Variants in PREP observed in about 807,000 individuals in gnomAD.
The protein encoded by PREP is prolyl endopeptidase.
PREP carries 29 observed loss-of-function variants against 87.6 expected under a neutral mutation model. That is an observed-to-expected ratio of 0.33 (90% CI 0.25 to 0.45). PREP has a LOEUF of 0.45. PREP is among the 20% of genes least tolerant of loss of function. The probability of loss-of-function intolerance (pLI) is 1.00; values close to 1 mark genes in which losing one functional copy is unlikely to be tolerated. For missense variants in PREP, 695 were observed against 886.5 expected (o/e 0.78, Z 2.74); for synonymous variants, 337 against 328.6 (o/e 1.03, Z -0.28).
At chr6:105,354,028 T>C (rs1438100481) in intron 6 of PREP, among the ~76,000 whole-genome samples, 1 of 152,202 alleles carries the variant, frequency 6.6e-6, no homozygotes, top group Non-Finnish European at 1.5e-5. Context: ...TGTTTTGAGT[T>C]GACAAAAAAT....
chr6:105,280,134 A>G (rs1465254611), intron 14 of PREP, among the ~76,000 whole-genome samples: 1 of 152,196 alleles, frequency 6.6e-6, no homozygotes, highest in Admixed American at 6.5e-5. Context: ...ATGAAAGAGC[A>G]AACTTTAGAA....
intron 5 of PREP, among the ~76,000 whole-genome samples, chr6:105,371,500 C>CAAAAAAAAAAAAAAAAAAAAAAAAAAA (rs528772896): frequency 8.9e-5 from 4 of 44,796 alleles, no homozygotes; most frequent in Admixed American, 3.4e-4. Context: ...GATTCCATCT[C>CAAAAAAAAAAAAAAAAAAAAAAAAAAA]AAAAAAAAAA....
rs529312341 is a variant in PREP, at chr6:105,333,349, T to C, written c.980A>G (p.Lys327Arg). 1 of 1,614,154 alleles carries C rather than the reference T, an allele frequency of 6.2e-7. No individual in the cohort carries two copies. The highest frequency in any genetic ancestry group is 1.3e-5 in the African/African-American group (1 of 75,054). Residue 327 changes from lysine (K) to arginine (R), a missense_variant, in exon 8 of 15, where the codon AAA (lysine) becomes AGA (arginine). This residue lies in a region of PREP where 517 missense variants were observed against 620.3 expected (regional missense o/e 0.83). Coordinates refer to ENST00000652536, the MANE Select transcript of PREP (RefSeq NM_002726.5). ...DFRDPEESKW[K>R]VLVPEHEKDV... ...TTTCTCATGCTCAGGAACAAGTACT[T>C]TCCACTTAGACTCTTCAGGATCCCT...
chr6:105,342,726 C>T lies in PREP; in HGVS notation c.824-9221G>A, dbSNP rs560428620. Reference sequence around the variant, plus strand: ...CAGTGTGCAAAAATCACAAGCATTCCTATACACCAATAACAGACAGAGAGC... The same window carrying T: ...CAGTGTGCAAAAATCACAAGCATTCTTATACACCAATAACAGACAGAGAGC... On this transcript the variant is annotated intron_variant, in intron 7 of 14. Coordinates refer to ENST00000652536, the MANE Select transcript of PREP (RefSeq NM_002726.5). Among the ~76,000 whole-genome samples the T allele has an allele frequency of 2.0e-5, 3 of 152,134 alleles. No individual in the cohort carries two copies. In the East Asian group the frequency reaches 5.8e-4, roughly 29 times the overall value.
At chr6:105,291,315 G>A (rs76934047) in intron 10 of PREP, among the ~76,000 whole-genome samples, 1,893 of 152,172 alleles carry the variant, frequency 0.012, 36 homozygotes, top group African/African-American at 0.044. Flanking sequence ...CTTTCATGAA[G>A]GATTTCTCTG....
chr6:105,323,820 A>AG (rs774679865), intron 9 of PREP, 52 bp from the exon 10 acceptor site: 1 of 1,446,046 alleles, frequency 6.9e-7, no homozygotes, highest in South Asian at 1.1e-5. Flanking sequence ...CTAGATTCAA[A>AG]GGGGGCAAGG....
chr6:105,329,616 T>C (rs2114654106), intron 8 of PREP, among the ~76,000 whole-genome samples: 1 of 152,348 alleles, frequency 6.6e-6, no homozygotes, highest in Admixed American at 6.5e-5. Context: ...CCTATTATCA[T>C]GCTATAGGAG....
intron 6 of PREP, among the ~76,000 whole-genome samples, chr6:105,367,954 T>C (rs544319641): frequency 3.6e-4 from 55 of 151,794 alleles, no homozygotes; most frequent in Middle Eastern, 3.4e-3. Context: ...CAGTTTTTTT[T>C]ACTAACCCCT....
At chr6:105,294,460 T>A (rs914194657) in intron 10 of PREP, among the ~76,000 whole-genome samples, 1 of 152,232 alleles carries the variant, frequency 6.6e-6, no homozygotes, top group African/African-American at 2.4e-5. Flanking sequence ...CCTCAGTGAC[T>A]GTAACAGTGA....
chr6:105,336,349 C>T (rs970078064), intron 7 of PREP, among the ~76,000 whole-genome samples: 2 of 152,112 alleles, frequency 1.3e-5, no homozygotes, highest in Non-Finnish European at 2.9e-5. Flanking sequence ...GCTAAACATG[C>T]CTATTAGGTT....
intron 10 of PREP, among the ~76,000 whole-genome samples, chr6:105,314,071 C>T (rs1770812102): frequency 6.6e-6 from 1 of 152,148 alleles, no homozygotes; most frequent in Non-Finnish European, 1.5e-5. Context: ...TTTCCCAGTA[C>T]ATATAAAAGC....
At chr6:105,296,582 A>C (rs1480634842) in intron 10 of PREP, among the ~76,000 whole-genome samples, 1 of 152,144 alleles carries the variant, frequency 6.6e-6, no homozygotes. Flanking sequence ...CTGGGATCTA[A>C]CTACTTTTCC....
intron 6 of PREP, among the ~76,000 whole-genome samples, chr6:105,362,444 G>A (rs1772277964): frequency 6.6e-6 from 1 of 152,234 alleles, no homozygotes; most frequent in Non-Finnish European, 1.5e-5. Flanking sequence ...CTGGGCGACA[G>A]AGCGAGACTC....
intron 2 of PREP, 114 bp from the exon 3 acceptor site, chr6:105,377,633 T>G: frequency 9.1e-7 from 1 of 1,095,930 alleles, no homozygotes; most frequent in Non-Finnish European, 1.3e-6. Context: ...CAGTGCCTCT[T>G]CTCTCTCATT....
intron 8 of PREP, among the ~76,000 whole-genome samples, chr6:105,331,914 CACAG>C (rs1426895073): frequency 1.3e-5 from 2 of 152,172 alleles, no homozygotes; most frequent in Non-Finnish European, 2.9e-5. Flanking sequence ...CCCAGCCTGA[CACAG>C]ACAGAGTATC....
intron 2 of PREP, among the ~76,000 whole-genome samples, chr6:105,386,935 G>A (rs1417920348): frequency 2.0e-5 from 3 of 152,194 alleles, no homozygotes; most frequent in Non-Finnish European, 2.9e-5. Flanking sequence ...AGCTAAGGCC[G>A]GGTGCGGTGT....
At chr6:105,385,265 G>T in intron 2 of PREP, among the ~76,000 whole-genome samples, 1 of 135,926 alleles carries the variant, frequency 7.4e-6, no homozygotes, top group Non-Finnish European at 1.6e-5. Context: ...ATGAAACTTA[G>T]ACTTCCTAGA....
At chr6:105,360,506 T>A (rs1186500700) in intron 6 of PREP, among the ~76,000 whole-genome samples, 1 of 152,218 alleles carries the variant, frequency 6.6e-6, no homozygotes, top group Non-Finnish European at 1.5e-5. Context: ...TTTTATAGTT[T>A]CATTAAAGAA....
In PREP at chr6:105,335,714, AC is replaced by A. The variant is rs536294368; in HGVS notation, c.824-2210del. Among the ~76,000 whole-genome samples the A allele has an allele frequency of 4.2e-4, 64 of 152,070 alleles. No individual in the cohort carries two copies. The South Asian group carries it at 6.5e-3, about 15-fold the overall frequency. The stretch of plus-strand genomic sequence containing the variant: ...AGACCATCCTGGCTAACACAGTGAA[AC>A]CCCGTCTTTACTAAAAAATACAAAA... On this transcript the variant is annotated intron_variant, in intron 7 of 14. Coordinates refer to ENST00000652536, the MANE Select transcript of PREP (RefSeq NM_002726.5).
Sources: allele counts gnomAD v4.1 joint callset (sites outside exome capture counted in the v4.1 genomes callset), GRCh38; gene constraint gnomAD v4.1.1; regional missense constraint gnomAD v4.1.1; transcripts MANE v1.5; gene names NCBI Gene and HGNC (gene_info 2026-07-23, HGNC 2026-07-21).